The following FER variants were observed in gnomAD, a reference collection of about 807,000 sequenced individuals.
FER encodes FER tyrosine kinase.
In FER, 63 loss-of-function variants were observed where a neutral mutation model predicts 111.0. That is an observed-to-expected ratio of 0.57 (90% confidence interval 0.46 to 0.70). The LOEUF (loss-of-function observed/expected upper bound fraction) is 0.70, where lower values mean the gene tolerates loss of function less well. Ranked by LOEUF, FER falls within the 30% of genes least tolerant of loss-of-function variation. The probability of loss-of-function intolerance (pLI) is 0.00; values close to 1 mark genes in which losing one functional copy is unlikely to be tolerated. For synonymous variants in FER, 327 were observed against 313.9 expected, an observed-to-expected ratio of 1.04 and a Z score of -0.44; for missense variants, 914 against 954.0, an observed-to-expected ratio of 0.96 and a Z score of 0.55.
intron 5 of FER, among the ~76,000 whole-genome samples, chr5:108,836,465 T>C (rs1395797165): frequency 6.6e-6 from 1 of 152,180 alleles, no homozygotes; most frequent in Non-Finnish European, 1.5e-5. Context: ...ATTTTCCTTA[T>C]GTTTAAATGT....
intron 17 of FER, among the ~76,000 whole-genome samples, chr5:109,128,366 A>G (rs747080707): frequency 6.6e-6 from 1 of 152,178 alleles, no homozygotes; most frequent in Non-Finnish European, 1.5e-5. Flanking sequence ...ACAACTTTCA[A>G]TTGTAAGTTT....
intron 16 of FER, among the ~76,000 whole-genome samples, chr5:109,096,034 A>T (rs1224423522): frequency 6.6e-6 from 1 of 152,096 alleles, no homozygotes; most frequent in Non-Finnish European, 1.5e-5. Flanking sequence ...CATTGCCCTG[A>T]TGATCTCTTC....
At chr5:108,916,281 A>C (rs984971574) in intron 10 of FER, among the ~76,000 whole-genome samples, 1 of 152,152 alleles carries the variant, frequency 6.6e-6, no homozygotes, top group Non-Finnish European at 1.5e-5. Flanking sequence ...TACTTGATTC[A>C]AGTTTTACAT....
intron 10 of FER, chr5:108,924,695 A>C (rs1753501932): frequency 8.1e-7 from 1 of 1,232,098 alleles, no homozygotes. Flanking sequence ...CATTGTAAGG[A>C]TCAGCTGGAG....
At chr5:108,868,002 C>T (rs1764243664) in intron 6 of FER, 52 bp downstream of exon 6, 1 of 1,525,902 alleles carries the variant, frequency 6.6e-7, no homozygotes, top group Non-Finnish European at 8.9e-7. Flanking sequence ...ATGATTTCAA[C>T]ATATTTTCTC....
At chr5:108,950,972 A>G (rs1184192915) in intron 11 of FER, among the ~76,000 whole-genome samples, 2 of 152,082 alleles carry the variant, frequency 1.3e-5, no homozygotes, top group African/African-American at 2.4e-5. Context: ...GGAATTAAAA[A>G]AAAAATAAAT....
At chr5:108,884,615 C>G (rs1459291868) in intron 9 of FER, among the ~76,000 whole-genome samples, 1 of 151,568 alleles carries the variant, frequency 6.6e-6, no homozygotes. Context: ...CCAACTGGGT[C>G]CTTGTGCTCA....
chr5:108,883,601 C>A, intron 9 of FER, 83 bp downstream of exon 9: 2 of 1,169,010 alleles, frequency 1.7e-6, no homozygotes, highest in Non-Finnish European at 2.3e-6. Context: ...CAGTGTGAAC[C>A]TAACATTTCT....
At position 108,826,026 on chromosome 5, in the gene FER, T is replaced by G. The variant is rs1759429856; in HGVS notation, c.208-6744T>G. On this transcript the variant is annotated intron_variant, in intron 3 of 19. Transcript: ENST00000281092. ...TTTTTTCCGATTTTAGAGGAAAAGC[T>G]ATCAGTTTTTTACCATTGACTATGT... Among the ~76,000 whole-genome samples, 8 of 152,210 alleles carry G rather than the reference T, an allele frequency of 5.3e-5. No homozygotes were observed. In the South Asian group the frequency reaches 1.7e-3, roughly 32 times the overall value.
intron 6 of FER, among the ~76,000 whole-genome samples, chr5:108,870,931 C>T (rs896156516): frequency 6.6e-6 from 1 of 151,752 alleles, no homozygotes; most frequent in African/African-American, 2.4e-5. Context: ...GAGCAGAGGC[C>T]CAGAGGAGCA....
intron 13 of FER, among the ~76,000 whole-genome samples, chr5:109,006,363 C>A (rs1228650907): frequency 2.6e-5 from 4 of 152,106 alleles, no homozygotes; most frequent in East Asian, 1.9e-4. Flanking sequence ...GTAAGTCTCA[C>A]GAGAGCTGGT....
intron 8 of FER, among the ~76,000 whole-genome samples, chr5:108,878,514 T>A (rs1765322529): frequency 1.3e-5 from 2 of 152,174 alleles, no homozygotes; most frequent in African/African-American, 4.8e-5. Context: ...ATCTTCTTAA[T>A]GTGTACAGTG....
At chr5:109,186,777 T>C (rs189342427) in intron 19 of FER, among the ~76,000 whole-genome samples, 126 of 152,316 alleles carry the variant, frequency 8.3e-4, no homozygotes, top group African/African-American at 2.8e-3. Context: ...AACTAAGTAA[T>C]GGTGACAGGC....
intron 13 of FER, among the ~76,000 whole-genome samples, chr5:108,973,597 A>G (rs553388962): frequency 2.6e-5 from 4 of 152,260 alleles, no homozygotes; most frequent in Non-Finnish European, 5.9e-5. Context: ...TCTTGTGGAC[A>G]TCCTTGAACG....
intron 2 of FER, among the ~76,000 whole-genome samples, chr5:108,795,640 A>G (rs187975894): frequency 2.0e-5 from 3 of 152,096 alleles, no homozygotes; most frequent in African/African-American, 7.2e-5. Context: ...CGATTCTGAT[A>G]TTAAGAGACA....
At chr5:108,796,164 G>A (rs1755993196) in intron 2 of FER, among the ~76,000 whole-genome samples, 1 of 152,126 alleles carries the variant, frequency 6.6e-6, no homozygotes, top group African/African-American at 2.4e-5. Context: ...ATAAGATCTG[G>A]GAGGATTCTC....
chr5:108,861,727 G>T (rs150219878), intron 5 of FER, among the ~76,000 whole-genome samples: 38 of 152,164 alleles, frequency 2.5e-4, no homozygotes, highest in Middle Eastern at 3.4e-3. Flanking sequence ...AAGATATTTC[G>T]AAGTAAATAG....
chr5:109,109,457 A>C (rs1405737473), intron 17 of FER, among the ~76,000 whole-genome samples: 1 of 152,188 alleles, frequency 6.6e-6, no homozygotes, highest in Non-Finnish European at 1.5e-5. Flanking sequence ...TACTCAATAC[A>C]GAGCTTCTAG....
chr5:108,830,202 C>T (rs1759891333), intron 3 of FER, among the ~76,000 whole-genome samples: 2 of 152,062 alleles, frequency 1.3e-5, no homozygotes, highest in Admixed American at 6.6e-5. Context: ...GCCTGCAATC[C>T]CAGAACTTTG....
Sources: allele counts gnomAD v4.1 joint callset (sites outside exome capture counted in the v4.1 genomes callset), GRCh38; gene constraint gnomAD v4.1.1; transcripts MANE v1.5; gene names NCBI Gene and HGNC (gene_info 2026-07-23, HGNC 2026-07-21).